The following CHRM3 variants were observed in gnomAD, a reference collection of about 807,000 sequenced individuals.
CHRM3 encodes cholinergic receptor muscarinic 3.
In CHRM3, 11 loss-of-function variants were observed where a neutral mutation model predicts 41.8. The ratio of observed to expected loss-of-function variants is 0.26; its 90% CI spans 0.17 to 0.44. The LOEUF is 0.44. Among genes scored for constraint, CHRM3 ranks in the 20% least tolerant of loss-of-function variants. CHRM3 has a pLI of 1.00. For synonymous variants in CHRM3, 297 were observed against 301.4 expected (o/e 0.99, Z 0.15); for missense variants, 571 against 745.4 (o/e 0.77, Z 2.72).
chr1:239,532,397 G>A (rs1238794833), intron 2 of CHRM3, among the ~76,000 whole-genome samples: 4 of 150,194 alleles, frequency 2.7e-5, no homozygotes, highest in African/African-American at 7.3e-5. Context: ...GGAGGCCGAG[G>A]TGGGTGGATC....
intron 5 of CHRM3, among the ~76,000 whole-genome samples, chr1:239,729,800 T>C (rs1233507244): frequency 2.0e-5 from 3 of 151,976 alleles, no homozygotes; most frequent in African/African-American, 7.2e-5. Context: ...GGCTGTAATA[T>C]AACATAGTGT....
chr1:239,555,136 A>C (rs1397207913), intron 3 of CHRM3, among the ~76,000 whole-genome samples: 1 of 152,202 alleles, frequency 6.6e-6, no homozygotes, highest in East Asian at 1.9e-4. Context: ...ATCAGATTGC[A>C]CTGAAGAGTG....
intron 5 of CHRM3, among the ~76,000 whole-genome samples, chr1:239,797,260 G>A (rs997038254): frequency 1.3e-5 from 2 of 152,138 alleles, no homozygotes; most frequent in Non-Finnish European, 2.9e-5. Flanking sequence ...TATGTTCACT[G>A]TTTGGGCAAT....
At chr1:239,542,580 A>T (rs1169244917) in intron 2 of CHRM3, among the ~76,000 whole-genome samples, 7 of 151,668 alleles carry the variant, frequency 4.6e-5, no homozygotes, top group Non-Finnish European at 8.8e-5. Flanking sequence ...TCTCAGAAAA[A>T]CTCTATTTTA....
intron 5 of CHRM3, among the ~76,000 whole-genome samples, chr1:239,711,927 C>T (rs976222686): frequency 3.7e-4 from 57 of 152,130 alleles, no homozygotes; most frequent in African/African-American, 1.4e-3. Context: ...AACTCCACAT[C>T]CAGCCCCATT....
chr1:239,563,723 A>G (rs2148502002), intron 3 of CHRM3, among the ~76,000 whole-genome samples: 1 of 152,322 alleles, frequency 6.6e-6, no homozygotes, highest in East Asian at 1.9e-4. Context: ...GTTACTCTGC[A>G]GAGGTAAGTA....
intron 5 of CHRM3, among the ~76,000 whole-genome samples, chr1:239,807,163 C>T (rs1424639748): frequency 6.6e-6 from 1 of 152,100 alleles, no homozygotes; most frequent in African/African-American, 2.4e-5. Context: ...AAATAAAAGT[C>T]CTATTTAGGT....
chr1:239,425,533 A>T (rs968466651), intron 1 of CHRM3, among the ~76,000 whole-genome samples: 4 of 152,010 alleles, frequency 2.6e-5, no homozygotes, highest in Admixed American at 1.3e-4. Flanking sequence ...ACGGCACAAC[A>T]CTCATGCATT....
At chr1:239,432,878 T>C (rs1238618211) in intron 1 of CHRM3, among the ~76,000 whole-genome samples, 1 of 152,208 alleles carries the variant, frequency 6.6e-6, no homozygotes, top group Non-Finnish European at 1.5e-5. Flanking sequence ...AATATTGGGC[T>C]TCCCAGGATG....
intron 2 of CHRM3, among the ~76,000 whole-genome samples, chr1:239,494,108 T>C (rs1234150085): frequency 6.6e-6 from 1 of 152,226 alleles, no homozygotes; most frequent in Non-Finnish European, 1.5e-5. Flanking sequence ...TAATTCAAAT[T>C]GAGGGATGCA....
intron 6 of CHRM3, among the ~76,000 whole-genome samples, chr1:239,890,881 T>G (rs965800746): frequency 5.9e-5 from 9 of 152,194 alleles, no homozygotes; most frequent in Non-Finnish European, 8.8e-5. Context: ...AAGTGTTTGA[T>G]GCATGTTATC....
chr1:239,811,810 A>G (rs1262001925), intron 5 of CHRM3, among the ~76,000 whole-genome samples: 2 of 152,146 alleles, frequency 1.3e-5, no homozygotes, highest in Admixed American at 6.6e-5. Flanking sequence ...CTGTTTCAAT[A>G]TTACTTTAAG....
intron 5 of CHRM3, among the ~76,000 whole-genome samples, chr1:239,737,678 C>T (rs1408316587): frequency 6.6e-6 from 1 of 152,088 alleles, no homozygotes; most frequent in Non-Finnish European, 1.5e-5. Flanking sequence ...GCAATGTTTT[C>T]CAGAGTTGGG....
chr1:239,566,910 C>G (rs988768309), intron 3 of CHRM3, among the ~76,000 whole-genome samples: 1 of 152,100 alleles, frequency 6.6e-6, no homozygotes, highest in Non-Finnish European at 1.5e-5. Context: ...TTCATAGATT[C>G]TTTGCAGAAA....
At position 239,849,740 on chromosome 1, in the gene CHRM3, C is replaced by T. The variant is rs1219788447; in HGVS notation, c.-20+22362C>T. ...CTTCACCTCTTATTCCCTCAGTTTC[C>T]GGGCCTTTAAAATGAGATAATAATG... is the stretch of plus-strand genomic sequence containing the variant. On this transcript the variant is annotated intron_variant, in intron 6 of 6. Coordinates refer to ENST00000676153, the MANE Select transcript of CHRM3 (RefSeq NM_001375978.1). Among the ~76,000 whole-genome samples the T allele has an allele frequency of 1.8e-4, 28 of 152,022 alleles. 1 individual carries two copies. Among genetic ancestry groups the T allele is most frequent in the Non-Finnish European group, 8.8e-5 (6 of 68,002 alleles).
chr1:239,864,447 C>T (rs181182113), intron 6 of CHRM3, among the ~76,000 whole-genome samples: 10 of 151,994 alleles, frequency 6.6e-5, no homozygotes, highest in African/African-American at 2.4e-4. Context: ...GCGGAGGTTG[C>T]GGTGAGCCGA....
At chr1:239,401,133 G>A (rs551054298) in intron 1 of CHRM3, among the ~76,000 whole-genome samples, 14 of 152,278 alleles carry the variant, frequency 9.2e-5, no homozygotes, top group East Asian at 1.9e-4. Flanking sequence ...GGCCTAGACC[G>A]TGTTAAGCTA....
chr1:239,592,096 G>A (rs1191816156), intron 3 of CHRM3, among the ~76,000 whole-genome samples: 1 of 152,142 alleles, frequency 6.6e-6, no homozygotes, highest in African/African-American at 2.4e-5. Flanking sequence ...ATTGCTTTCT[G>A]TAAGAGGAGC....
intron 2 of CHRM3, among the ~76,000 whole-genome samples, chr1:239,522,741 C>T (rs901709818): frequency 2.0e-5 from 3 of 152,122 alleles, no homozygotes; most frequent in Non-Finnish European, 4.4e-5. Flanking sequence ...AACTATGTGG[C>T]CTTACAAATG....
Sources: allele counts gnomAD v4.1 joint callset (sites outside exome capture counted in the v4.1 genomes callset), GRCh38; gene constraint gnomAD v4.1.1; transcripts MANE v1.5; gene names NCBI Gene and HGNC (gene_info 2026-07-23, HGNC 2026-07-21).